Variants in CDH13 observed in about 807,000 individuals in gnomAD.
CDH13 encodes cadherin-13.
A neutral mutation model predicts 63.8 loss-of-function variants in CDH13; 24 were observed. The observed-to-expected ratio is 0.38, with a 90% confidence interval of 0.27 to 0.53. CDH13 has a LOEUF of 0.53. Ranked by LOEUF, CDH13 falls within the 20% of genes least tolerant of loss-of-function variation. The pLI is 0.85. For synonymous variants in CDH13, 503 were observed against 355.3 expected (o/e 1.42, Z -4.67); for missense variants, 1,049 against 903.1 (o/e 1.16, Z -2.07).
chr16:83,465,012 T>C (rs767198734), intron 6 of CDH13, among the ~76,000 whole-genome samples: 8 of 152,194 alleles, frequency 5.3e-5, no homozygotes, highest in Non-Finnish European at 1.2e-4. Context: ...TCAGAACCAT[T>C]GAATTGGATA....
intron 2 of CDH13, among the ~76,000 whole-genome samples, chr16:82,950,100 T>A (rs921365429): frequency 6.6e-6 from 1 of 152,116 alleles, no homozygotes; most frequent in Non-Finnish European, 1.5e-5. Flanking sequence ...ACAAAATAAA[T>A]TTCCTGTCAA....
At chr16:83,225,446 C>G (rs1449757673) in intron 5 of CDH13, among the ~76,000 whole-genome samples, 1 of 152,188 alleles carries the variant, frequency 6.6e-6, no homozygotes, top group African/African-American at 2.4e-5. Context: ...CTTGCTGCAT[C>G]CTGCCTAGAC....
intron 2 of CDH13, among the ~76,000 whole-genome samples, chr16:82,916,573 CAA>C (rs71803730): frequency 0.3 from 43,779 of 144,194 alleles, 6,892 homozygotes; most frequent in Non-Finnish European, 0.38. Flanking sequence ...GACTCTGTCT[CAA>C]AAAAAAAATA....
At chr16:82,910,124 G>A (rs1424748161) in intron 2 of CDH13, among the ~76,000 whole-genome samples, 1 of 152,180 alleles carries the variant, frequency 6.6e-6, no homozygotes, top group Admixed American at 6.5e-5. Flanking sequence ...GCCGATGTCT[G>A]AGTCATCTGT....
intron 6 of CDH13, among the ~76,000 whole-genome samples, chr16:83,468,392 C>A (rs187935538): frequency 6.6e-6 from 1 of 152,178 alleles, no homozygotes; most frequent in African/African-American, 2.4e-5. Context: ...GAGACCTCCC[C>A]TAGAGTGTCC....
chr16:82,761,017 CTTTTTTTTTTTTTTTT>C (rs35038319), intron 1 of CDH13, among the ~76,000 whole-genome samples: 8 of 40,486 alleles, frequency 2.0e-4, no homozygotes, highest in African/African-American at 7.1e-4. Flanking sequence ...TTCTTTCTTT[CTTTTTTTTTTTTTTTT>C]TTTTTTTTTT....
chr16:83,308,456 A>G (rs1057096672), intron 5 of CDH13, among the ~76,000 whole-genome samples: 1 of 152,242 alleles, frequency 6.6e-6, no homozygotes, highest in Non-Finnish European at 1.5e-5. Context: ...CTCCTACATG[A>G]ATTCCTTCAA....
At chr16:82,896,155 C>T (rs1055508930) in intron 2 of CDH13, among the ~76,000 whole-genome samples, 12 of 152,198 alleles carry the variant, frequency 7.9e-5, no homozygotes, top group African/African-American at 2.9e-4. Context: ...GAAGTATAGG[C>T]TTCATGGTGA....
intron 4 of CDH13, among the ~76,000 whole-genome samples, chr16:83,151,883 A>G (rs1231647471): frequency 6.6e-6 from 1 of 152,142 alleles, no homozygotes; most frequent in Non-Finnish European, 1.5e-5. Flanking sequence ...AATCACTTGA[A>G]CCTGGAAGGT....
intron 1 of CDH13, among the ~76,000 whole-genome samples, chr16:82,656,592 G>A (rs1304829266): frequency 1.3e-5 from 2 of 152,070 alleles, no homozygotes; most frequent in Admixed American, 6.5e-5. Flanking sequence ...ATCACTCAAA[G>A]TTCACAGTTT....
rs530733359 is a variant in CDH13, at chr16:82,640,400, T to A, written c.45+13263T>A. On this transcript the variant is annotated intron_variant, in intron 1 of 13. Transcript: ENST00000567109. ...TTTTACTGTTGGGAATTTACGAATA[T>A]GGCAACTAATGATTTAAACCAGGGG... Among the ~76,000 whole-genome samples, 10 of 152,348 alleles carry A rather than the reference T, an allele frequency of 6.6e-5. No individual in the cohort carries two copies. In the East Asian group the frequency reaches 1.9e-3, roughly 29 times the overall value.
At chr16:82,702,731 G>A (rs2031149269) in intron 1 of CDH13, among the ~76,000 whole-genome samples, 1 of 152,154 alleles carries the variant, frequency 6.6e-6, no homozygotes, top group Non-Finnish European at 1.5e-5. Flanking sequence ...AAAGTATGAA[G>A]ATGATCAAAA....
chr16:83,314,049 C>G (rs2090055540), intron 5 of CDH13, among the ~76,000 whole-genome samples: 1 of 152,214 alleles, frequency 6.6e-6, no homozygotes, highest in Non-Finnish European at 1.5e-5. Flanking sequence ...AACTCTTACA[C>G]TGTGTAATTT....
intron 1 of CDH13, among the ~76,000 whole-genome samples, chr16:82,631,685 T>G (rs7204653): frequency 0.088 from 13,338 of 152,200 alleles, 745 homozygotes; most frequent in East Asian, 0.2. Flanking sequence ...GGCTGTAGGA[T>G]CTCTTGCTCC....
rs1555571696 is a variant in CDH13, at chr16:83,052,801, A to AAAAGAAAG, written c.366+20587_366+20594dup. Among the ~76,000 whole-genome samples the AAAAGAAAG allele has an allele frequency of 9.6e-4, 118 of 122,664 alleles. 2 individuals are homozygous for AAAAGAAAG. Among genetic ancestry groups the AAAAGAAAG allele is most frequent in the African/African-American group, 3.7e-3 (110 of 30,134 alleles). 80.5% of individuals were successfully genotyped at this position (122,664 alleles called of 152,430 possible). A position where few individuals can be genotyped will look rare whatever the true frequency, so the allele number is the denominator to read the frequency against. On this transcript the variant is annotated intron_variant, in intron 3 of 13. Coordinates refer to ENST00000567109, the MANE Select transcript of CDH13 (RefSeq NM_001257.5). ...CAAAAAAAAAAAAAAAAAAAAAAAA[A>AAAAGAAAG]AAAGAAAGAAATTAAACCTTAAATA...
In CDH13 at chr16:83,083,941, G is replaced by A. The variant is rs375567671; in HGVS notation, c.367-41444G>A. Among the ~76,000 whole-genome samples, 7 of 152,286 alleles carry A rather than the reference G, an allele frequency of 4.6e-5. No individual in the cohort carries two copies. In the East Asian group the frequency reaches 7.7e-4, roughly 17 times the overall value. ...AGCTCCAGGTAAGTCTCACTATCTC[G>A]TTAATAACCCTTTACCAATTGCAGC... On this transcript the variant is annotated intron_variant, in intron 3 of 13. Coordinates refer to ENST00000567109, the MANE Select transcript of CDH13 (RefSeq NM_001257.5).
At chr16:83,525,203 T>C (rs1238498915) in intron 7 of CDH13, among the ~76,000 whole-genome samples, 1 of 152,178 alleles carries the variant, frequency 6.6e-6, no homozygotes, top group African/African-American at 2.4e-5. Context: ...CAGTAGAATG[T>C]AGTACTCGGA....
rs938489065 is a variant in CDH13, at chr16:83,217,270, A to G, written c.484-75A>G. 40 of 1,481,204 alleles carry G rather than the reference A, an allele frequency of 2.7e-5. No individual in the cohort carries two copies. In the South Asian group the frequency reaches 3.2e-4, roughly 12 times the overall value. 91.8% of individuals were successfully genotyped at this position (1,481,204 alleles called of 1,614,324 possible). A position where few individuals can be genotyped will look rare whatever the true frequency, so the allele number is the denominator to read the frequency against. On this transcript the variant is annotated intron_variant, in intron 4 of 13. Transcript: ENST00000567109. The stretch of plus-strand genomic sequence containing the variant: ...GGCACCTGTGATTAGTGAATTGCTC[A>G]TGGGAGTATGTTTGCAATGTGCTTT...
chr16:83,218,834 G>T (rs2039614544), intron 5 of CDH13, among the ~76,000 whole-genome samples: 1 of 152,154 alleles, frequency 6.6e-6, no homozygotes, highest in Non-Finnish European at 1.5e-5. Flanking sequence ...AGTCATGGGG[G>T]TGAGTCTTTC....
Sources: gnomAD v4.1 joint callset for allele counts (sites outside exome capture counted in the v4.1 genomes callset) on GRCh38, gnomAD v4.1.1 for gene constraint, MANE v1.5 for transcripts, NCBI Gene and HGNC (gene_info 2026-07-23, HGNC 2026-07-21) for gene names.